Variants in CEP170 observed in about 807,000 individuals in gnomAD.
CEP170 encodes centrosomal protein of 170 kDa.
CEP170 carries 21 observed loss-of-function variants against 151.9 expected under a neutral mutation model. The observed-to-expected ratio is 0.14, with a 90% CI of 0.10 to 0.20. CEP170 has a LOEUF of 0.20. CEP170 is among the 10% of genes least tolerant of loss of function. The pLI is 1.00. For synonymous variants in CEP170, 356 were observed against 648.8 expected (o/e 0.55, Z 6.86); for missense variants, 964 against 1,892.9 (o/e 0.51, Z 9.11).
At chr1:243,198,869 C>T (rs1353251630) in intron 7 of CEP170, among the ~76,000 whole-genome samples, 191 bp downstream of exon 7, 1 of 150,694 alleles carries the variant, frequency 6.6e-6, no homozygotes, top group Non-Finnish European at 1.5e-5. Flanking sequence ...AAAATTAATA[C>T]TTTACTTATA....
intron 1 of CEP170, among the ~76,000 whole-genome samples, chr1:243,235,827 G>T (rs2064197726): frequency 6.6e-6 from 1 of 152,068 alleles, no homozygotes; most frequent in South Asian, 2.1e-4. Flanking sequence ...TTTAATTAAA[G>T]ATTTCTTCAT....
At chr1:243,168,259 T>G (rs4471252) in intron 12 of CEP170, 2 of 151,978 alleles carry the variant, frequency 1.3e-5, no homozygotes, top group Non-Finnish European at 2.9e-5. Context: ...CTCAAATACT[T>G]CTAATACTTA....
intron 11 of CEP170, among the ~76,000 whole-genome samples, chr1:243,171,115 AAG>A: frequency 6.6e-6 from 1 of 152,332 alleles, no homozygotes; most frequent in South Asian, 2.1e-4. Flanking sequence ...GAGAAGAAAG[AAG>A]AGAGTCTATT....
intron 1 of CEP170, among the ~76,000 whole-genome samples, chr1:243,248,065 T>G (rs10926977): frequency 0.098 from 14,930 of 152,278 alleles, 964 homozygotes; most frequent in Non-Finnish European, 0.13. Context: ...GGCCTCTTTA[T>G]GAGTAAAACT....
At chr1:243,171,470 A>G in intron 11 of CEP170, among the ~76,000 whole-genome samples, 1 of 152,124 alleles carries the variant, frequency 6.6e-6, no homozygotes, top group African/African-American at 2.4e-5. Flanking sequence ...TTCTTCTTTT[A>G]TATTTTTTCT....
At chr1:243,178,098 G>T (rs1369729730) in intron 10 of CEP170, among the ~76,000 whole-genome samples, 3 of 152,016 alleles carry the variant, frequency 2.0e-5, no homozygotes, top group Non-Finnish European at 4.4e-5. Context: ...GAGGCCGAAG[G>T]CGGGTGGATC....
rs1233348309 is a variant in CEP170 at position 243,225,996 on chromosome 1, C to T, written c.-41-675G>A. Among the ~76,000 whole-genome samples, 15 of 136,810 alleles carry T rather than the reference C, an allele frequency of 1.1e-4. No individual in the cohort carries two copies. In the South Asian group the frequency reaches 1.8e-3, roughly 17 times the overall value. The allele number at this position is 136,810 out of a possible 152,430, so 89.8% of individuals were successfully genotyped here. ...CTATCTATCTATCTATATATATACA[C>T]GTATATATATCTAGATATATATACA... On this transcript the variant is annotated intron_variant, in intron 1 of 19. Coordinates refer to ENST00000366542, the MANE Select transcript of CEP170 (RefSeq NM_014812.3).
At chr1:243,153,754 G>C (rs922404174) in intron 14 of CEP170, among the ~76,000 whole-genome samples, 1 of 152,198 alleles carries the variant, frequency 6.6e-6, no homozygotes, top group African/African-American at 2.4e-5. Context: ...CTTGCTTTGA[G>C]ATATTTGCCT....
rs139477276 is a variant in CEP170 at position 243,226,946 on chromosome 1, G to A, written c.-41-1625C>T. 2.6e-4 allele frequency among the ~76,000 whole-genome samples: 39 copies of A among 152,186 alleles called. No individual in the cohort carries two copies. In the East Asian group the frequency reaches 7.3e-3, roughly 29 times the overall value. On this transcript the variant is annotated intron_variant, in intron 1 of 19. Transcript: ENST00000366542. ...AGAAGTTGCAGTTAGCTGAGATCAC[G>A]CCACTGCACTTCATCCTGGGCAACA...
chr1:243,176,805 A>G (rs1189811055), intron 10 of CEP170: 16 of 396,578 alleles, frequency 4.0e-5, no homozygotes, highest in African/African-American at 6.4e-5. Flanking sequence ...TATAAAAAGA[A>G]GAGGCTGTCA....
intron 1 of CEP170, chr1:243,253,174 A>T (rs1404924354): frequency 6.6e-6 from 1 of 152,248 alleles, no homozygotes; most frequent in Non-Finnish European, 1.5e-5. Flanking sequence ...ACATGTTAGG[A>T]CATCTTTCCT....
intron 3 of CEP170, among the ~76,000 whole-genome samples, chr1:243,214,054 C>T (rs961184385): frequency 6.6e-4 from 100 of 152,120 alleles, no homozygotes; most frequent in African/African-American, 2.3e-3. Flanking sequence ...ATATTGACAG[C>T]CTTCTTTTTT....
At chr1:243,132,168 A>G (rs1447513475) in intron 17 of CEP170, among the ~76,000 whole-genome samples, 2 of 152,194 alleles carry the variant, frequency 1.3e-5, no homozygotes, top group African/African-American at 4.8e-5. Flanking sequence ...ATAACTCCTG[A>G]CACAAAGCTT....
chr1:243,168,567 G>A (rs1289149785), intron 12 of CEP170, among the ~76,000 whole-genome samples: 2 of 151,748 alleles, frequency 1.3e-5, no homozygotes, highest in East Asian at 3.9e-4. Flanking sequence ...ACCTCAAAGA[G>A]TTAACACTTT....
chr1:243,227,599 G>A (rs2063405533), intron 1 of CEP170, among the ~76,000 whole-genome samples: 1 of 152,056 alleles, frequency 6.6e-6, no homozygotes, highest in Non-Finnish European at 1.5e-5. Context: ...AAGTGAAACT[G>A]GCTTAAAAAA....
intron 3 of CEP170, among the ~76,000 whole-genome samples, chr1:243,215,493 T>C (rs1177102906): frequency 1.3e-5 from 2 of 152,108 alleles, no homozygotes; most frequent in Non-Finnish European, 2.9e-5. Context: ...ATGTCTGTCT[T>C]TTACGGTTGG....
chr1:243,242,561 T>C (rs2064958740), intron 1 of CEP170, among the ~76,000 whole-genome samples: 1 of 152,166 alleles, frequency 6.6e-6, no homozygotes, highest in African/African-American at 2.4e-5. Flanking sequence ...ACACTAGACC[T>C]GCTTCTGCCA....
At chr1:243,214,415 A>C (rs1396046688) in intron 3 of CEP170, among the ~76,000 whole-genome samples, 4 of 149,592 alleles carry the variant, frequency 2.7e-5, no homozygotes, top group Non-Finnish European at 4.4e-5. Context: ...CCTCTCAAGT[A>C]GCTGGGATTA....
intron 8 of CEP170, 117 bp downstream of exon 8, chr1:243,190,901 C>T (rs1467218602): frequency 3.5e-6 from 5 of 1,418,400 alleles, no homozygotes; most frequent in Admixed American, 2.8e-5. Context: ...CTAAATATAA[C>T]CTTTGAAAAA....
Sources: gnomAD v4.1 joint callset for allele counts (sites outside exome capture counted in the v4.1 genomes callset) on GRCh38, gnomAD v4.1.1 for gene constraint, MANE v1.5 for transcripts, NCBI Gene and HGNC (gene_info 2026-07-23, HGNC 2026-07-21) for gene names.